The following CCDC191 variants were observed in gnomAD, a reference collection of about 807,000 sequenced individuals.
CCDC191 encodes the protein coiled-coil domain-containing protein 191.
In CCDC191, 99 loss-of-function variants were observed where a neutral mutation model predicts 114.0. The observed-to-expected ratio is 0.87, with a 90% CI of 0.74 to 1.03. CCDC191 has a LOEUF of 1.03. Among genes scored for constraint, CCDC191 ranks in the 50% least tolerant of loss-of-function variants. The probability of loss-of-function intolerance (pLI) is 0.00; values close to 1 mark genes in which losing one functional copy is unlikely to be tolerated. For synonymous variants in CCDC191, 351 were observed against 376.0 expected, an observed-to-expected ratio of 0.93 and a Z score of 0.77; for missense variants, 973 against 1,087.0, an observed-to-expected ratio of 0.90 and a Z score of 1.47.
At chr3:114,018,893 C>A in intron 7 of CCDC191, 25 bp from the exon 8 acceptor site, 1 of 1,606,718 alleles carries the variant, frequency 6.2e-7, no homozygotes, top group Non-Finnish European at 8.5e-7. Flanking sequence ...TTAGGAAAAT[C>A]ACCACCCATC....
At chr3:114,009,347 G>T (rs564958719) in intron 9 of CCDC191, among the ~76,000 whole-genome samples, 10 of 152,070 alleles carry the variant, frequency 6.6e-5, no homozygotes, top group Admixed American at 2.0e-4. Flanking sequence ...TAAAGTAACA[G>T]CTTAAAACAC....
At chr3:114,034,251 TA>T (rs1213384435) in intron 6 of CCDC191, among the ~76,000 whole-genome samples, 1 of 152,166 alleles carries the variant, frequency 6.6e-6, no homozygotes, top group Non-Finnish European at 1.5e-5. Flanking sequence ...TGTTCAACCT[TA>T]AAAATATTAT....
At chr3:114,017,890 T>C (rs891744983) in intron 8 of CCDC191, among the ~76,000 whole-genome samples, 3 of 152,226 alleles carry the variant, frequency 2.0e-5, no homozygotes, top group Non-Finnish European at 4.4e-5. Context: ...AACCAAATGG[T>C]TCCTTTTACA....
chr3:113,991,088 T>C (rs143257827), intron 13 of CCDC191, among the ~76,000 whole-genome samples: 1 of 150,402 alleles, frequency 6.6e-6, no homozygotes, highest in Non-Finnish European at 1.5e-5. Flanking sequence ...ATACAAAAAT[T>C]AGCTGGGTGT....
At chr3:114,051,763 A>C (rs1188688115) in intron 2 of CCDC191, among the ~76,000 whole-genome samples, 2 of 152,154 alleles carry the variant, frequency 1.3e-5, no homozygotes, top group African/African-American at 4.8e-5. Flanking sequence ...ACTCAAGTGG[A>C]CTTTGAAGTC....
At chr3:114,019,223 G>A (rs571170800) in intron 7 of CCDC191, among the ~76,000 whole-genome samples, 14 of 152,246 alleles carry the variant, frequency 9.2e-5, no homozygotes, top group African/African-American at 3.4e-4. Context: ...CCCCTGCCAG[G>A]TGTCTTGGAG....
chr3:113,978,607 A>AAAAC, intron 15 of CCDC191: 1 of 590,390 alleles, frequency 1.7e-6, no homozygotes, highest in Non-Finnish European at 2.9e-6. Flanking sequence ...AATGACTATA[A>AAAAC]AAACAAAAGC....
chr3:113,974,447 G>A lies in CCDC191; in HGVS notation c.2606+3739C>T, dbSNP rs1454494971. Among the ~76,000 whole-genome samples the A allele has an allele frequency of 3.9e-5, 6 of 151,908 alleles. No individual in the cohort carries two copies. In the South Asian group the frequency reaches 1.2e-3, roughly 32 times the overall value. ...CCATTCTCCTGCCTCAGGCTTCCGA[G>A]TAGGTGGGACTACAGATGCACACCA... is the stretch of plus-strand genomic sequence containing the variant. On this transcript the variant is annotated intron_variant, in intron 16 of 16. Transcript: ENST00000295878.
At position 113,975,225 on chromosome 3, in the gene CCDC191, C is replaced by A. The variant is rs185898130; in HGVS notation, c.2606+2961G>T. Among the ~76,000 whole-genome samples the A allele has an allele frequency of 8.9e-3, 1,359 of 152,172 alleles. 25 individuals are homozygous for A. The highest frequency in any genetic ancestry group is 9.0e-3 in the Non-Finnish European group (613 of 67,994). On this transcript the variant is annotated intron_variant, in intron 16 of 16. Coordinates refer to ENST00000295878, the MANE Select transcript of CCDC191 (RefSeq NM_020817.2). ...AGCTCAGCTAGATTTATAAAATTATCCGGAAGTGATACAGATATGTAAGAT... is the reference window on the plus strand; with the variant it reads ...AGCTCAGCTAGATTTATAAAATTATACGGAAGTGATACAGATATGTAAGAT...
chr3:114,043,324 T>C (rs2076588156), intron 3 of CCDC191, among the ~76,000 whole-genome samples: 1 of 151,626 alleles, frequency 6.6e-6, no homozygotes, highest in South Asian at 2.1e-4. Flanking sequence ...GGAGATGAGG[T>C]TGGAGGGGTA....
chr3:114,021,580 T>A (rs2076244852), intron 7 of CCDC191, among the ~76,000 whole-genome samples: 1 of 152,146 alleles, frequency 6.6e-6, no homozygotes, highest in Non-Finnish European at 1.5e-5. Flanking sequence ...AGGAATATAC[T>A]CAGTTCCGTC....
chr3:114,028,061 G>A (rs1232908120), intron 7 of CCDC191, among the ~76,000 whole-genome samples: 7 of 152,152 alleles, frequency 4.6e-5, no homozygotes, highest in African/African-American at 9.6e-5. Context: ...CCCCATATAC[G>A]CTGGGGAAAA....
intron 6 of CCDC191, among the ~76,000 whole-genome samples, chr3:114,032,081 A>G (rs377253360): frequency 6.6e-6 from 1 of 152,326 alleles, no homozygotes; most frequent in East Asian, 1.9e-4. Flanking sequence ...TTTGAGAGTT[A>G]ACAACTACAA....
At chr3:113,974,104 C>A (rs1181140601) in intron 16 of CCDC191, among the ~76,000 whole-genome samples, 2 of 151,778 alleles carry the variant, frequency 1.3e-5, no homozygotes, top group East Asian at 3.9e-4. Context: ...AAATATATTT[C>A]TCAGTTCCAA....
chr3:113,977,927 T>G (rs2074988878), intron 16 of CCDC191, among the ~76,000 whole-genome samples: 1 of 152,224 alleles, frequency 6.6e-6, no homozygotes, highest in Admixed American at 6.5e-5. Context: ...ATAGGTCACA[T>G]CATTTTATTC....
chr3:114,053,533 C>A, intron 2 of CCDC191, 64 bp downstream of exon 2: 1 of 959,812 alleles, frequency 1.0e-6, no homozygotes, highest in Non-Finnish European at 1.6e-6. Context: ...ATTCATATTT[C>A]TTTTCCATCT....
At chr3:114,038,294 T>C (rs1299629313) in intron 4 of CCDC191, among the ~76,000 whole-genome samples, 1 of 152,182 alleles carries the variant, frequency 6.6e-6, no homozygotes, top group South Asian at 2.1e-4. Flanking sequence ...ATGTGTCAAA[T>C]AACAACATTT....
rs182964917 is a variant in CCDC191 at position 114,047,187 on chromosome 3, A to G, written c.130-455T>C. The stretch of plus-strand genomic sequence containing the variant: ...GAAATCTCCCATCTCATATTAGGCA[A>G]TCATATATTAGGTTCAATAAAATTG... On this transcript the variant is annotated intron_variant, in intron 2 of 16. Coordinates refer to ENST00000295878, the MANE Select transcript of CCDC191 (RefSeq NM_020817.2). 83 of 821,368 alleles carry G rather than the reference A, an allele frequency of 1.0e-4. No homozygotes were observed. The East Asian group carries it at 8.3e-3, about 82-fold the overall frequency. 50.9% of individuals were successfully genotyped at this position (821,368 alleles called of 1,614,324 possible). A position where few individuals can be genotyped will look rare whatever the true frequency, so the allele number is the denominator to read the frequency against.
intron 1 of CCDC191, 52 bp from the exon 2 acceptor site, chr3:114,053,687 T>C (rs746875480): frequency 4.6e-6 from 6 of 1,308,872 alleles, no homozygotes; most frequent in African/African-American, 3.0e-5. Flanking sequence ...TTTATCAACT[T>C]TGCCATTTAA....
Sources: gnomAD v4.1 joint callset for allele counts (sites outside exome capture counted in the v4.1 genomes callset) on GRCh38, gnomAD v4.1.1 for gene constraint, MANE v1.5 for transcripts, NCBI Gene and HGNC (gene_info 2026-07-23, HGNC 2026-07-21) for gene names.